The following CTNNA3 variants were observed in gnomAD, a reference collection of about 807,000 sequenced individuals.
The protein encoded by CTNNA3 is catenin alpha-3.
CTNNA3 carries 76 observed loss-of-function variants against 95.7 expected under a neutral mutation model. The ratio of observed to expected loss-of-function variants is 0.79; its 90% confidence interval spans 0.66 to 0.96. The LOEUF is 0.96. CTNNA3 is among the 40% of genes least tolerant of loss of function. CTNNA3 has a pLI of 0.00. For synonymous variants in CTNNA3, 431 were observed against 374.4 expected (o/e 1.15, Z -1.74); for missense variants, 1,191 against 1,089.8 (o/e 1.09, Z -1.31).
At chr10:66,798,266 T>C (rs1381629404) in intron 7 of CTNNA3, among the ~76,000 whole-genome samples, 1 of 151,844 alleles carries the variant, frequency 6.6e-6, no homozygotes, top group African/African-American at 2.4e-5. Context: ...TGAAAATTGA[T>C]AACAATATTA....
intron 13 of CTNNA3, among the ~76,000 whole-genome samples, chr10:66,279,788 A>G (rs2091461683): frequency 6.6e-6 from 1 of 152,094 alleles, no homozygotes; most frequent in Non-Finnish European, 1.5e-5. Flanking sequence ...AGGTATCTCC[A>G]TATCTTTACA....
chr10:66,547,372 C>T (rs1374929985), intron 10 of CTNNA3, among the ~76,000 whole-genome samples: 14 of 17,070 alleles, frequency 8.2e-4, no homozygotes, highest in Admixed American at 9.0e-4. Context: ...GAGATAGAGT[C>T]TGCTCTGTTG....
intron 7 of CTNNA3, among the ~76,000 whole-genome samples, chr10:66,983,990 G>C (rs1205633453): frequency 6.6e-6 from 1 of 152,174 alleles, no homozygotes; most frequent in Non-Finnish European, 1.5e-5. Context: ...TATAGTTGAT[G>C]ATAATCGAGG....
At chr10:67,207,876 AT>A (rs1387696800) in intron 6 of CTNNA3, among the ~76,000 whole-genome samples, 1 of 152,200 alleles carries the variant, frequency 6.6e-6, no homozygotes. Flanking sequence ...TGACCTCATC[AT>A]CAGAGTATGT....
chr10:67,187,296 G>A (rs1307090443), intron 6 of CTNNA3, among the ~76,000 whole-genome samples: 1 of 152,056 alleles, frequency 6.6e-6, no homozygotes, highest in Non-Finnish European at 1.5e-5. Context: ...AAAACCGAGA[G>A]TGAGCAAGAT....
intron 6 of CTNNA3, among the ~76,000 whole-genome samples, chr10:67,209,807 AC>A (rs1471892132): frequency 1.3e-5 from 2 of 152,094 alleles, no homozygotes; most frequent in Non-Finnish European, 2.9e-5. Flanking sequence ...TAAAACTAAC[AC>A]CTATTTTTTA....
chr10:66,956,788 G>A (rs2132748450), intron 7 of CTNNA3, among the ~76,000 whole-genome samples: 1 of 152,298 alleles, frequency 6.6e-6, no homozygotes. Context: ...TCTAAGAGGA[G>A]CCAGAAAACT....
At chr10:66,043,408 G>A (rs1164529172) in intron 15 of CTNNA3, among the ~76,000 whole-genome samples, 6 of 151,998 alleles carry the variant, frequency 3.9e-5, no homozygotes, top group Non-Finnish European at 7.4e-5. Context: ...CTTTTTTTAG[G>A]TTAATTTTAT....
chr10:66,597,550 A>ATATATT (rs1415292394), intron 10 of CTNNA3, among the ~76,000 whole-genome samples: 1 of 133,146 alleles, frequency 7.5e-6, no homozygotes, highest in Non-Finnish European at 1.6e-5. Flanking sequence ...ATATATATAT[A>ATATATT]TATATTTATT....
rs1259159062 is a variant in CTNNA3 at position 65,916,519 on chromosome 10, C to T, written c.*3811G>A. 1 of 152,130 alleles carries T rather than the reference C, an allele frequency of 6.6e-6. No individual in the cohort carries two copies. The highest frequency in any genetic ancestry group is 1.5e-5 in the Non-Finnish European group (1 of 68,018). The allele number at this position is 152,130 out of a possible 1,614,324, so 9.4% of individuals were successfully genotyped here. A position where few individuals can be genotyped will look rare whatever the true frequency, so the allele number is the denominator to read the frequency against. On this transcript the variant is annotated 3_prime_UTR_variant, in exon 18 of 18. Coordinates refer to ENST00000433211, the MANE Select transcript of CTNNA3 (RefSeq NM_013266.4). ...CTACCACTATACAAAAATCTGTAGC[C>T]ATGGGAACCACAATCTCTAGGACAG...
At chr10:67,083,694 A>G (rs991482921) in intron 7 of CTNNA3, among the ~76,000 whole-genome samples, 5 of 152,180 alleles carry the variant, frequency 3.3e-5, no homozygotes, top group Admixed American at 1.3e-4. Context: ...TCAATAATAC[A>G]TATATGTCTC....
chr10:66,326,363 A>G (rs1046880935), intron 12 of CTNNA3, among the ~76,000 whole-genome samples: 1 of 152,076 alleles, frequency 6.6e-6, no homozygotes, highest in Non-Finnish European at 1.5e-5. Context: ...GCTACTCGAC[A>G]TTTGGCACAG....
chr10:67,338,493 C>A (rs1842069992), intron 5 of CTNNA3, among the ~76,000 whole-genome samples: 1 of 152,040 alleles, frequency 6.6e-6, no homozygotes, highest in African/African-American at 2.4e-5. Flanking sequence ...AGGGGACAAA[C>A]ATCCACACCA....
chr10:67,244,647 G>A (rs1460351984), intron 5 of CTNNA3, among the ~76,000 whole-genome samples: 1 of 152,042 alleles, frequency 6.6e-6, no homozygotes, highest in African/African-American at 2.4e-5. Flanking sequence ...TAATAAATTT[G>A]GCTAAAATTA....
Position 67,733,985 on chromosome 10 carries a change from C to A in CTNNA3, c.-2+29449G>T, listed in dbSNP as rs541468119. 1.2e-3 allele frequency among the ~76,000 whole-genome samples: 184 copies of A among 152,234 alleles called. 1 individual carries two copies. Among genetic ancestry groups the A allele is most frequent in the South Asian group, 8.9e-3 (43 of 4,822 alleles). On this transcript the variant is annotated intron_variant, in intron 1 of 17. Coordinates refer to the CTNNA3 transcript ENST00000684154. ...TTTCACAAAATACTTAAATTTTCCA[C>A]CAGGGAATTTATTTTAAAGCCTCAT...
At position 66,904,015 on chromosome 10, in the gene CTNNA3, T is replaced by C. The variant is rs141263699; in HGVS notation, c.1048-128491A>G. Reference sequence around the variant, plus strand: ...GCTACCAATGACTTTCTTCACAGAATTGGAAAAAACTACTGTAAAGTTCAT... The same window carrying C: ...GCTACCAATGACTTTCTTCACAGAACTGGAAAAAACTACTGTAAAGTTCAT... On this transcript the variant is annotated intron_variant, in intron 7 of 17. Transcript: ENST00000433211. 3.6e-3 allele frequency among the ~76,000 whole-genome samples: 543 copies of C among 152,222 alleles called. 2 individuals carry two copies. The highest frequency in any genetic ancestry group is 0.012 in the African/African-American group (513 of 41,524).
intron 16 of CTNNA3, among the ~76,000 whole-genome samples, chr10:65,985,485 A>T (rs903958935): frequency 1.3e-5 from 2 of 151,412 alleles, no homozygotes; most frequent in Admixed American, 6.6e-5. Context: ...AAAGGAAACT[A>T]AAATGTTTAT....
chr10:67,107,229 G>A (rs1158672973), intron 7 of CTNNA3, among the ~76,000 whole-genome samples: 1 of 152,164 alleles, frequency 6.6e-6, no homozygotes, highest in Non-Finnish European at 1.5e-5. Flanking sequence ...TTTTTGTCCT[G>A]ATTGCCTAAA....
intron 5 of CTNNA3, among the ~76,000 whole-genome samples, chr10:67,496,903 T>A (rs1293061739): frequency 6.6e-6 from 1 of 152,202 alleles, no homozygotes; most frequent in Non-Finnish European, 1.5e-5. Context: ...TTAACTTTTT[T>A]ATTTTTCTGG....
Sources: gnomAD v4.1 joint callset for allele counts (sites outside exome capture counted in the v4.1 genomes callset) on GRCh38, gnomAD v4.1.1 for gene constraint, MANE v1.5 for transcripts, NCBI Gene and HGNC (gene_info 2026-07-23, HGNC 2026-07-21) for gene names.